The following EZR variants were observed in gnomAD, a reference collection of about 807,000 sequenced individuals.
EZR encodes the protein cytovillin 2.
EZR carries 40 observed loss-of-function variants against 74.8 expected under a neutral mutation model. The observed-to-expected ratio is 0.53, with a 90% CI of 0.42 to 0.70. The LOEUF (loss-of-function observed/expected upper bound fraction) is 0.70. Among genes scored for constraint, EZR ranks in the 30% least tolerant of loss-of-function variants. The pLI, the probability that EZR is intolerant of heterozygous loss-of-function variation, is 0.00. For missense variants in EZR, 678 were observed against 755.8 expected, an observed-to-expected ratio of 0.90 and a Z score of 1.21; for synonymous variants, 341 against 283.3, an observed-to-expected ratio of 1.20 and a Z score of -2.05.
intron 2 of EZR, among the ~76,000 whole-genome samples, chr6:158,796,482 T>G (rs1053189881): frequency 1.3e-5 from 2 of 152,220 alleles, no homozygotes; most frequent in African/African-American, 4.8e-5. Flanking sequence ...GCTGCTGATA[T>G]TGAGTGGCTG....
chr6:158,803,606 CATATATATATATATATAT>C (rs60330512), intron 2 of EZR, among the ~76,000 whole-genome samples: 4,563 of 35,758 alleles, frequency 0.13, 359 homozygotes, highest in Non-Finnish European at 0.14. Flanking sequence ...TATATATATA[CATATATATATATATATAT>C]ACATATACAT....
intron 8 of EZR, among the ~76,000 whole-genome samples, chr6:158,773,017 G>C (rs554722008): frequency 2.0e-5 from 3 of 152,124 alleles, no homozygotes; most frequent in Non-Finnish European, 4.4e-5. Flanking sequence ...TAAGTCATTG[G>C]GTTTCCCAGG....
At position 158,766,362 on chromosome 6, in the gene EZR, CTG is replaced by C. The variant is rs1230937883; in HGVS notation, c.*550_*551del. ...CCTCCACCACTCACGCTGGTGATCA[CTG>C]TGCTCTCTGCCAGCTGCGTGGAGTG... On this transcript the variant is annotated 3_prime_UTR_variant, in exon 14 of 14. Transcript: ENST00000367075. 6.6e-6 allele frequency: 1 copy of C among 152,094 alleles called. No homozygotes were observed. The highest frequency in any genetic ancestry group is 2.4e-5 in the African/African-American group (1 of 41,226). 9.4% of individuals were successfully genotyped at this position (152,094 alleles called of 1,614,324 possible).
At chr6:158,769,055 G>C (rs1791010788) in intron 12 of EZR, among the ~76,000 whole-genome samples, 1 of 152,204 alleles carries the variant, frequency 6.6e-6, no homozygotes, top group South Asian at 2.1e-4. Flanking sequence ...GGAGCAAAGT[G>C]GGTGAAAGTC....
Position 158,766,873 on chromosome 6 carries a change from CCGCTATGAGCACCCCT to C in EZR, c.*25_*40del. 3 of 1,583,792 alleles carry C rather than the reference CCGCTATGAGCACCCCT, an allele frequency of 1.9e-6. No homozygotes were observed. Among genetic ancestry groups the C allele is most frequent in the Non-Finnish European group, 2.6e-6 (3 of 1,158,810 alleles). On this transcript the variant is annotated 3_prime_UTR_variant, in exon 14 of 14. Coordinates refer to ENST00000367075, the MANE Select transcript of EZR (RefSeq NM_001111077.2). ...ACAAGCGTGGCGGGGCTGGCAGCGC[CCGCTATGAGCACCCCT>C]CTGCCCTTGGTCCTGGCCTGGCTGT...
At chr6:158,784,297 C>T (rs1397544880) in intron 6 of EZR, among the ~76,000 whole-genome samples, 4 of 152,194 alleles carry the variant, frequency 2.6e-5, no homozygotes, top group Non-Finnish European at 5.9e-5. Flanking sequence ...CAAGTACCTT[C>T]ATATAATGAG....
At chr6:158,799,355 C>T (rs1041237536) in intron 2 of EZR, among the ~76,000 whole-genome samples, 7 of 152,142 alleles carry the variant, frequency 4.6e-5, no homozygotes, top group African/African-American at 1.4e-4. Flanking sequence ...CAACAGTGCC[C>T]GGGCGGCAGG....
chr6:158,817,978 G>A (rs528039456), intron 2 of EZR, 104 bp downstream of exon 2: 3 of 1,163,322 alleles, frequency 2.6e-6, no homozygotes, highest in East Asian at 2.6e-5. Context: ...CTGCGTGTGA[G>A]AAGAACCCTG....
chr6:158,768,490 G>A (rs777494583), intron 12 of EZR, among the ~76,000 whole-genome samples: 14 of 152,118 alleles, frequency 9.2e-5, no homozygotes, highest in African/African-American at 2.2e-4. Flanking sequence ...CGGGAGACAC[G>A]TCCCCAGAAG....
At chr6:158,770,000 C>T in intron 10 of EZR, 56 bp from the exon 11 acceptor site, 1 of 1,586,122 alleles carries the variant, frequency 6.3e-7, no homozygotes, top group Non-Finnish European at 8.5e-7. Flanking sequence ...ACCTAGGAGC[C>T]CTCGCTTTCC....
chr6:158,805,465 G>T (rs1302555148), intron 2 of EZR, among the ~76,000 whole-genome samples: 6 of 151,076 alleles, frequency 4.0e-5, no homozygotes, highest in African/African-American at 1.2e-4. Flanking sequence ...CCCTAGTTAA[G>T]ATCACATGAG....
At chr6:158,807,232 G>A (rs377115503) in intron 2 of EZR, among the ~76,000 whole-genome samples, 33 of 151,756 alleles carry the variant, frequency 2.2e-4, no homozygotes, top group Non-Finnish European at 3.8e-4. Flanking sequence ...GGAGAATGGC[G>A]TGAACCCGGG....
intron 2 of EZR, among the ~76,000 whole-genome samples, chr6:158,792,950 A>G (rs948929689): frequency 3.3e-5 from 5 of 152,042 alleles, no homozygotes; most frequent in African/African-American, 1.2e-4. Flanking sequence ...CATTCCACAA[A>G]ATTTTTTACC....
intron 2 of EZR, among the ~76,000 whole-genome samples, chr6:158,801,038 T>C (rs1777176524): frequency 6.6e-6 from 1 of 152,166 alleles, no homozygotes; most frequent in South Asian, 2.1e-4. Context: ...GGAAGGCCAA[T>C]GTGGGAAGAT....
At chr6:158,817,658 T>TG (rs1477684359) in intron 2 of EZR, among the ~76,000 whole-genome samples, 1 of 152,194 alleles carries the variant, frequency 6.6e-6, no homozygotes, top group African/African-American at 2.4e-5. Flanking sequence ...CAGTTGGATC[T>TG]GGGGCGCCTG....
chr6:158,803,551 A>T, intron 2 of EZR, among the ~76,000 whole-genome samples: 1 of 1,302 alleles, frequency 7.7e-4, no homozygotes, highest in Non-Finnish European at 2.3e-3. Flanking sequence ...ATATGTATAT[A>T]TATATATATA....
At chr6:158,815,663 T>C in intron 2 of EZR, among the ~76,000 whole-genome samples, 1 of 152,180 alleles carries the variant, frequency 6.6e-6, no homozygotes, top group East Asian at 1.9e-4. Flanking sequence ...ACAGAGTCTA[T>C]GTTGGCCAGG....
chr6:158,812,959 C>T (rs748105035), intron 2 of EZR, among the ~76,000 whole-genome samples: 3 of 152,176 alleles, frequency 2.0e-5, no homozygotes, highest in Non-Finnish European at 4.4e-5. Flanking sequence ...CTATGAGCTC[C>T]CTCAATGGTC....
intron 3 of EZR, among the ~76,000 whole-genome samples, chr6:158,787,428 C>T (rs188996710): frequency 8.5e-4 from 129 of 152,306 alleles, no homozygotes; most frequent in African/African-American, 2.9e-3. Context: ...TAAATTTGAG[C>T]AGATTCAGGG....
Sources: allele counts gnomAD v4.1 joint callset (sites outside exome capture counted in the v4.1 genomes callset), GRCh38; gene constraint gnomAD v4.1.1; transcripts MANE v1.5; gene names NCBI Gene and HGNC (gene_info 2026-07-23, HGNC 2026-07-21).